UNC5B: variants seen among roughly 807,000 people sequenced by gnomAD.
UNC5B encodes the protein unc-5 netrin receptor B, also known as netrin receptor UNC5B.
A neutral mutation model predicts 103.7 loss-of-function variants in UNC5B; 56 were observed. The observed-to-expected ratio is 0.54, with a 90% CI of 0.44 to 0.67. UNC5B has a LOEUF of 0.67. Ranked by LOEUF, UNC5B falls within the 30% of genes least tolerant of loss-of-function variation. The pLI is 0.00. For missense variants in UNC5B, 1,194 were observed against 1,284.5 expected, an observed-to-expected ratio of 0.93 and a Z score of 1.08; for synonymous variants, 577 against 542.0, an observed-to-expected ratio of 1.06 and a Z score of -0.90.
In UNC5B at chr10:71,287,692, C is replaced by G. The variant is rs760997998; in HGVS notation, c.828C>G (p.Pro276=). 14 of 1,613,194 alleles carry G rather than the reference C, an allele frequency of 8.7e-6. No individual in the cohort carries two copies. In the South Asian group the frequency reaches 1.5e-4, roughly 18 times the overall value. Residue 276 remains proline, a synonymous_variant, in exon 6 of 17, where the codon CCC becomes CCG. Coordinates refer to ENST00000335350, the MANE Select transcript of UNC5B (RefSeq NM_170744.5). ...AGCGCACCCGGACCTGCACCAACCC[C>G]GCTCCACTCAACGGAGGGGCCTTCT... is the stretch of plus-strand genomic sequence containing the variant. The part of the protein sequence containing the change: ...WQKRTRTCTN[P]APLNGGAFCE...
intron 13 of UNC5B, 44 bp downstream of exon 13, chr10:71,293,977 T>G (rs754357137): frequency 2.0e-6 from 3 of 1,503,170 alleles, no homozygotes; most frequent in Non-Finnish European, 1.8e-6. Flanking sequence ...GCCGGCCAGC[T>G]GCATGATCCC....
chr10:71,221,298 G>A (rs1446693290), intron 1 of UNC5B, among the ~76,000 whole-genome samples: 1 of 152,152 alleles, frequency 6.6e-6, no homozygotes, highest in East Asian at 1.9e-4. Context: ...GAGGCAGCCT[G>A]GGCATGTGCG....
At chr10:71,240,824 C>T (rs755346358) in intron 1 of UNC5B, among the ~76,000 whole-genome samples, 1 of 152,216 alleles carries the variant, frequency 6.6e-6, no homozygotes. Context: ...GTTCCTTTGA[C>T]GGCCCTTAGA....
chr10:71,278,968 C>G (rs1844843905), intron 1 of UNC5B, among the ~76,000 whole-genome samples: 1 of 152,254 alleles, frequency 6.6e-6, no homozygotes, highest in Non-Finnish European at 1.5e-5. Flanking sequence ...GGCCACACCC[C>G]CCTTCCTGTT....
At chr10:71,280,942 T>C (rs1285574992) in intron 2 of UNC5B, among the ~76,000 whole-genome samples, 1 of 152,232 alleles carries the variant, frequency 6.6e-6, no homozygotes, top group Non-Finnish European at 1.5e-5. Flanking sequence ...CCCGTCTCTT[T>C]CTGGATCCTT....
intron 1 of UNC5B, among the ~76,000 whole-genome samples, chr10:71,252,195 G>A (rs570312975): frequency 1.3e-5 from 2 of 152,318 alleles, no homozygotes; most frequent in East Asian, 3.9e-4. Context: ...AGTGACTCTA[G>A]GCTGATCTCT....
At chr10:71,262,907 G>A (rs1844444072) in intron 1 of UNC5B, among the ~76,000 whole-genome samples, 1 of 152,198 alleles carries the variant, frequency 6.6e-6, no homozygotes, top group African/African-American at 2.4e-5. Flanking sequence ...AGACATTAAA[G>A]GAAATACACA....
At chr10:71,259,155 C>T (rs1477564941) in intron 1 of UNC5B, among the ~76,000 whole-genome samples, 1 of 152,138 alleles carries the variant, frequency 6.6e-6, no homozygotes, top group Non-Finnish European at 1.5e-5. Flanking sequence ...TTTGGGAGGC[C>T]AATGCAATAG....
chr10:71,290,970 C>T lies in UNC5B; in HGVS notation c.1155C>T (p.Phe385=), dbSNP rs754467526. The change falls in exon 9 of 17, where the codon TTC becomes TTT. Residue 385 remains phenylalanine (F), a synonymous_variant. Coordinates refer to ENST00000335350, the MANE Select transcript of UNC5B (RefSeq NM_170744.5). ...ALYAGLVVAI[F]VVVAILMAVG... ...ATGCGGGGCTCGTGGTGGCCATCTT[C>T]GTGGTCGTGGCAATCCTCATGGCGG... 14 of 1,613,954 alleles carry T rather than the reference C, an allele frequency of 8.7e-6. No individual in the cohort carries two copies. The South Asian group carries it at 1.2e-4, about 14-fold the overall frequency.
At chr10:71,262,763 CT>C (rs1228484358) in intron 1 of UNC5B, among the ~76,000 whole-genome samples, 1 of 152,188 alleles carries the variant, frequency 6.6e-6, no homozygotes, top group Middle Eastern at 3.2e-3. Flanking sequence ...CCTGAACCCC[CT>C]GGGCCTCACT....
chr10:71,223,289 C>G (rs1360675046), intron 1 of UNC5B, among the ~76,000 whole-genome samples: 1 of 152,198 alleles, frequency 6.6e-6, no homozygotes, highest in Non-Finnish European at 1.5e-5. Context: ...TGAATGAGAA[C>G]TCATGGTCAG....
chr10:71,278,466 G>A (rs1003397488), intron 1 of UNC5B, among the ~76,000 whole-genome samples: 3 of 150,990 alleles, frequency 2.0e-5, no homozygotes, highest in Admixed American at 6.6e-5. Flanking sequence ...CCCACCGCCC[G>A]TACACACACT....
chr10:71,226,511 C>T (rs904537079), intron 1 of UNC5B, among the ~76,000 whole-genome samples: 11 of 152,268 alleles, frequency 7.2e-5, no homozygotes, highest in Non-Finnish European at 2.9e-5. Flanking sequence ...CAGGCAACTT[C>T]ACTCTTGTTA....
At chr10:71,241,304 C>A (rs536350713) in intron 1 of UNC5B, among the ~76,000 whole-genome samples, 1 of 152,228 alleles carries the variant, frequency 6.6e-6, no homozygotes, top group African/African-American at 2.4e-5. Context: ...TGCCGAAGGC[C>A]CCCCCAGAGA....
At chr10:71,290,864 C>A in intron 8 of UNC5B, 51 bp from the exon 9 acceptor site, 2 of 1,556,218 alleles carry the variant, frequency 1.3e-6, no homozygotes, top group Non-Finnish European at 8.7e-7. Flanking sequence ...TCCCTGATTG[C>A]CCCAGGGCCT....
intron 15 of UNC5B, 43 bp from the exon 16 acceptor site, chr10:71,297,866 C>G (rs765376828): frequency 6.3e-7 from 1 of 1,576,434 alleles, no homozygotes; most frequent in South Asian, 1.2e-5. Context: ...AGGGCAGATG[C>G]CCAGCACTGT....
intron 1 of UNC5B, among the ~76,000 whole-genome samples, chr10:71,264,656 A>G (rs1348580365): frequency 6.6e-6 from 1 of 152,260 alleles, no homozygotes; most frequent in African/African-American, 2.4e-5. Flanking sequence ...TCGGGAGGCA[A>G]GAGAGCATAG....
At chr10:71,286,518 G>A (rs185866161) in intron 4 of UNC5B, among the ~76,000 whole-genome samples, 171 bp from the exon 5 acceptor site, 1 of 152,270 alleles carries the variant, frequency 6.6e-6, no homozygotes, top group Admixed American at 6.5e-5. Context: ...CCACCCAGCT[G>A]GCAAATGGTG....
At chr10:71,240,470 G>A (rs1467493327) in intron 1 of UNC5B, among the ~76,000 whole-genome samples, 1 of 152,250 alleles carries the variant, frequency 6.6e-6, no homozygotes, top group Non-Finnish European at 1.5e-5. Context: ...GCCTCTGATA[G>A]GCACAGGCCG....
Sources: allele counts gnomAD v4.1 joint callset (sites outside exome capture counted in the v4.1 genomes callset), GRCh38; gene constraint gnomAD v4.1.1; transcripts MANE v1.5; gene names NCBI Gene and HGNC (gene_info 2026-07-23, HGNC 2026-07-21).